The following GALNT13 variants were observed in gnomAD, a reference collection of about 807,000 sequenced individuals.
The protein encoded by GALNT13 is UDP-GalNAc:polypeptide N-acetylgalactosaminyltransferase 13.
GALNT13 carries 28 observed loss-of-function variants against 64.2 expected under a neutral mutation model. That is an observed-to-expected ratio of 0.44 (90% CI 0.32 to 0.60). The LOEUF is 0.60. Ranked by LOEUF, GALNT13 falls within the 20% of genes least tolerant of loss-of-function variation. The pLI is 0.05. For missense variants in GALNT13, 577 were observed against 669.8 expected (o/e 0.86, Z 1.53); for synonymous variants, 214 against 224.6 (o/e 0.95, Z 0.42).
intron 9 of GALNT13, among the ~76,000 whole-genome samples, chr2:154,344,683 A>G (rs1695968261): frequency 6.6e-6 from 1 of 151,954 alleles, no homozygotes; most frequent in Admixed American, 6.6e-5. Context: ...AAATGATACA[A>G]TCTTGCAATA....
the GALNT13 span, among the ~76,000 whole-genome samples, chr2:153,454,425 G>A: frequency 6.6e-6 from 1 of 152,104 alleles, no homozygotes; most frequent in South Asian, 2.1e-4. Context: ...GCTGAGACCT[G>A]TTCTTTGAAT....
At chr2:154,028,913 G>C (rs911245885) in intron 3 of GALNT13, among the ~76,000 whole-genome samples, 3 of 152,026 alleles carry the variant, frequency 2.0e-5, no homozygotes, top group African/African-American at 7.2e-5. Flanking sequence ...GGAGTCATCA[G>C]AGAACTAAGG....
intron 3 of GALNT13, among the ~76,000 whole-genome samples, chr2:154,048,348 T>C (rs1309311828): frequency 6.6e-6 from 1 of 152,102 alleles, no homozygotes; most frequent in Non-Finnish European, 1.5e-5. Flanking sequence ...AACAAAACCA[T>C]ATCACCAGAC....
chr2:154,200,809 C>A (rs1305538931), intron 4 of GALNT13, among the ~76,000 whole-genome samples: 4 of 152,132 alleles, frequency 2.6e-5, no homozygotes, highest in Non-Finnish European at 5.9e-5. Flanking sequence ...GGAGAGGACA[C>A]ATTCTGACTA....
chr2:153,564,032 G>C, the GALNT13 span, among the ~76,000 whole-genome samples: 2 of 151,956 alleles, frequency 1.3e-5, no homozygotes, highest in Non-Finnish European at 2.9e-5. Flanking sequence ...CTGGATTTTT[G>C]ATAGTTTTGA....
At chr2:154,183,030 A>G (rs1225803355) in intron 4 of GALNT13, among the ~76,000 whole-genome samples, 1 of 152,148 alleles carries the variant, frequency 6.6e-6, no homozygotes, top group Non-Finnish European at 1.5e-5. Context: ...TATCAGAATA[A>G]TGCTGGTCTT....
At chr2:153,857,539 A>G in the GALNT13 span, among the ~76,000 whole-genome samples, 7 of 152,250 alleles carry the variant, frequency 4.6e-5, no homozygotes, top group African/African-American at 1.7e-4. Flanking sequence ...AAAATCATTG[A>G]TTTCATTTCT....
intron 4 of GALNT13, among the ~76,000 whole-genome samples, chr2:154,183,620 G>A (rs1446822457): frequency 6.6e-6 from 1 of 152,070 alleles, no homozygotes; most frequent in Non-Finnish European, 1.5e-5. Context: ...ACTGAGGCAG[G>A]AGAATCACTT....
chr2:153,630,159 A>C, the GALNT13 span, among the ~76,000 whole-genome samples: 3 of 151,884 alleles, frequency 2.0e-5, no homozygotes, highest in Non-Finnish European at 4.4e-5. Context: ...TATATACCCA[A>C]AGGATTATAA....
At chr2:153,428,953 G>A in the GALNT13 span, among the ~76,000 whole-genome samples, 1 of 152,098 alleles carries the variant, frequency 6.6e-6, no homozygotes, top group African/African-American at 2.4e-5. Flanking sequence ...CAACATTCTT[G>A]TCCAGTCACC....
chr2:153,687,715 C>T, the GALNT13 span, among the ~76,000 whole-genome samples: 1 of 151,830 alleles, frequency 6.6e-6, no homozygotes, highest in Non-Finnish European at 1.5e-5. Context: ...AACATAGATC[C>T]AAGTGGAATA....
chr2:153,991,931 T>C (rs1695185622), intron 3 of GALNT13, among the ~76,000 whole-genome samples: 2 of 152,150 alleles, frequency 1.3e-5, no homozygotes, highest in Non-Finnish European at 2.9e-5. Context: ...TTGTACTTAA[T>C]GCCAAAGAGA....
chr2:153,324,345 G>T, the GALNT13 span, among the ~76,000 whole-genome samples: 2 of 152,270 alleles, frequency 1.3e-5, no homozygotes, highest in Middle Eastern at 3.4e-3. Context: ...CACTGATTTT[G>T]TATCCTGAGA....
chr2:154,202,168 T>C (rs1447986555), intron 4 of GALNT13, among the ~76,000 whole-genome samples: 2 of 152,104 alleles, frequency 1.3e-5, no homozygotes, highest in Admixed American at 6.6e-5. Flanking sequence ...TGCAGACATA[T>C]GTAAGATGTT....
chr2:153,108,657 C>A, the GALNT13 span, among the ~76,000 whole-genome samples: 2 of 152,114 alleles, frequency 1.3e-5, no homozygotes, highest in South Asian at 4.1e-4. Flanking sequence ...TCTATTCCTA[C>A]AAATGGATGA....
At chr2:153,759,325 A>G in the GALNT13 span, among the ~76,000 whole-genome samples, 2 of 152,176 alleles carry the variant, frequency 1.3e-5, no homozygotes, top group African/African-American at 4.8e-5. Context: ...AAGGAGCGCT[A>G]TAGTCACTTT....
intron 9 of GALNT13, among the ~76,000 whole-genome samples, chr2:154,369,953 A>T (rs1697588765): frequency 6.6e-6 from 1 of 152,124 alleles, no homozygotes; most frequent in South Asian, 2.1e-4. Flanking sequence ...CTTTCATCTC[A>T]TAATTCTCAC....
At chr2:153,363,508 A>G in the GALNT13 span, among the ~76,000 whole-genome samples, 6 of 152,126 alleles carry the variant, frequency 3.9e-5, no homozygotes, top group African/African-American at 1.4e-4. Flanking sequence ...AAAGAAGAAA[A>G]GAGAGAAGAA....
At chr2:154,089,170 G>A (rs1296381633) in intron 3 of GALNT13, among the ~76,000 whole-genome samples, 3 of 151,978 alleles carry the variant, frequency 2.0e-5, no homozygotes, top group East Asian at 1.9e-4. Flanking sequence ...TTCCTTTCAG[G>A]AGAGCTTTGG....
Sources: gnomAD v4.1 joint callset for allele counts (sites outside exome capture counted in the v4.1 genomes callset) on GRCh38, gnomAD v4.1.1 for gene constraint, MANE v1.5 for transcripts, NCBI Gene and HGNC (gene_info 2026-07-23, HGNC 2026-07-21) for gene names.